Variants in BCL9L observed in about 807,000 individuals in gnomAD.
BCL9L encodes BCL9 like, also known as B-cell CLL/lymphoma 9-like protein.
Under a neutral mutation model 99.4 loss-of-function variants are expected in BCL9L, and 19 were observed. The ratio of observed to expected loss-of-function variants is 0.19; its 90% confidence interval spans 0.13 to 0.28. The LOEUF is 0.28. BCL9L is among the 10% of genes least tolerant of loss of function. BCL9L has a pLI of 1.00. For synonymous variants in BCL9L, 900 were observed against 854.8 expected (o/e 1.05, Z -0.92); for missense variants, 2,023 against 2,101.6 (o/e 0.96, Z 0.73).
chr11:118,908,583 G>A lies in BCL9L; in HGVS notation c.99C>T (p.Ala33=), dbSNP rs772286426. ...TTTCTGGGTGCATTGGCTTGGCTGG[G>A]GCAGGGGGGCAATGACCGCGGGGGG... is the stretch of plus-strand genomic sequence containing the variant. ...PLSPRGHCPP[A]PAKPMHPENK... is the part of the protein sequence containing the mutation. Residue 33 remains alanine (A), a synonymous_variant, in exon 4 of 10, where the codon GCC becomes GCT. Coordinates refer to ENST00000683865, the MANE Select transcript of BCL9L (RefSeq NM_001378213.1). The A allele has an allele frequency of 3.7e-6, 6 of 1,613,710 alleles. No homozygotes were observed. Among genetic ancestry groups the A allele is most frequent in the Non-Finnish European group, 3.4e-6 (4 of 1,179,980 alleles).
intron 1 of BCL9L, among the ~76,000 whole-genome samples, chr11:118,919,690 T>C (rs1364062299): frequency 1.3e-5 from 2 of 152,116 alleles, no homozygotes; most frequent in African/African-American, 4.8e-5. Flanking sequence ...CCAGCCTGTG[T>C]TCCTCCCAGA....
intron 1 of BCL9L, among the ~76,000 whole-genome samples, chr11:118,924,887 G>C (rs956358386): frequency 4.6e-5 from 7 of 152,222 alleles, no homozygotes; most frequent in Non-Finnish European, 8.8e-5. Context: ...AGACCCACGG[G>C]GTTGGTGAGC....
chr11:118,898,294 G>GGCCCCCCCCCCCCCCCCCCCC lies in BCL9L; in HGVS notation c.*120_*121insGGGGGGGGGGGGGGGGGGGGC. ...TCCACAAATGCCACTCCCTACACAAGCCCCCTCCCACCCCCTCCACCCCAC... is the reference window on the plus strand; with the variant it reads ...TCCACAAATGCCACTCCCTACACAAGGCCCCCCCCCCCCCCCCCCCCCCCCCTCCCACCCCCTCCACCCCAC... On this transcript the variant is annotated 3_prime_UTR_variant, in exon 10 of 10. Transcript: ENST00000683865. The GGCCCCCCCCCCCCCCCCCCCC allele has an allele frequency of 2.9e-5, 13 of 452,312 alleles. 1 individual carries two copies. Among genetic ancestry groups the GGCCCCCCCCCCCCCCCCCCCC allele is most frequent in the Non-Finnish European group, 4.5e-5 (11 of 244,762 alleles). 28.0% of individuals were successfully genotyped at this position (452,312 alleles called of 1,614,324 possible). A position where few individuals can be genotyped will look rare whatever the true frequency, so the allele number is the denominator to read the frequency against.
rs1020812999 is a variant in BCL9L, at chr11:118,925,252, G to C, written c.-145C>G. 6.6e-6 allele frequency: 1 copy of C among 152,568 alleles called. No homozygotes were observed. The highest frequency in any genetic ancestry group is 6.5e-5 in the Admixed American group (1 of 15,290). 9.5% of individuals were successfully genotyped at this position (152,568 alleles called of 1,614,324 possible). ...CCACCCCTCACCTCACGCGGATTGGGGGGTCCTCACGCCAGGCCGGAGCTG... is the reference window on the plus strand; with the variant it reads ...CCACCCCTCACCTCACGCGGATTGGCGGGTCCTCACGCCAGGCCGGAGCTG... On this transcript the variant is annotated 5_prime_UTR_variant, in exon 1 of 10. Coordinates refer to ENST00000683865, the MANE Select transcript of BCL9L (RefSeq NM_001378213.1). The surrounding 1 kb of genome is among the most constrained non-coding windows in gnomAD (Gnocchi z 6.4).
intron 3 of BCL9L, 49 bp downstream of exon 3, chr11:118,909,864 CT>C: frequency 6.2e-7 from 1 of 1,613,742 alleles, no homozygotes; most frequent in Non-Finnish European, 8.5e-7. Flanking sequence ...GGGCCCTTCC[CT>C]TCCCGCACTC....
Position 118,898,063 on chromosome 11 carries a change from A to C in BCL9L, c.*352T>G, listed in dbSNP as rs746765186. The C allele has an allele frequency of 1.1e-5, 5 of 445,474 alleles. No homozygotes were observed. Among genetic ancestry groups the C allele is most frequent in the South Asian group, 6.1e-5 (3 of 49,148 alleles). 27.6% of individuals were successfully genotyped at this position (445,474 alleles called of 1,614,324 possible). A position where few individuals can be genotyped will look rare whatever the true frequency, so the allele number is the denominator to read the frequency against. Reference sequence around the variant, plus strand: ...TGACCTGTCCTTCCTCTCTCCCCCCAGATTCCCATCCAGGACTCCAAAAGC... The same window carrying C: ...TGACCTGTCCTTCCTCTCTCCCCCCCGATTCCCATCCAGGACTCCAAAAGC... On this transcript the variant is annotated 3_prime_UTR_variant, in exon 10 of 10. Coordinates refer to ENST00000683865, the MANE Select transcript of BCL9L (RefSeq NM_001378213.1).
chr11:118,908,522 C>G lies in BCL9L; in HGVS notation c.160G>C (p.Gly54Arg). 1 of 1,614,130 alleles carries G rather than the reference C, an allele frequency of 6.2e-7. No individual in the cohort carries two copies. The highest frequency in any genetic ancestry group is 8.5e-7 in the Non-Finnish European group (1 of 1,180,014). ...ACATTCTGGTGCTGAGATTGGGCCC[C>G]GCCATTCCCTGTCTTGCCATGATTG... ...LTNHGKTGNG[G>R]AQSQHQNVNQ... The change falls in exon 4 of 10, where the codon GGG (glycine) becomes CGG (arginine). Residue 54 changes from glycine (G) to arginine (R), a missense_variant. By Grantham distance (125) the Gly-to-Arg change is moderately radical. Around this residue, in one of 3 missense-constraint regions of BCL9L, gnomAD observed 1,116 missense variants for 1,194.6 expected, o/e 0.93. Coordinates refer to ENST00000683865, the MANE Select transcript of BCL9L (RefSeq NM_001378213.1).
intron 5 of BCL9L, among the ~76,000 whole-genome samples, chr11:118,906,345 C>T (rs879256679): frequency 6.6e-6 from 1 of 152,158 alleles, no homozygotes; most frequent in African/African-American, 2.4e-5. Context: ...AGAGGCTTGG[C>T]GACCACCAGG....
rs1168778325 is a variant in BCL9L, at chr11:118,896,183, CA to C, written c.*2231del. Reference sequence around the variant, plus strand: ...ATAAAAAGGCACCTATAAAACAGGTCAATACAGTACAGGCAGCACAGAGACC... The same window carrying C: ...ATAAAAAGGCACCTATAAAACAGGTCATACAGTACAGGCAGCACAGAGACC... On this transcript the variant is annotated 3_prime_UTR_variant, in exon 10 of 10. Coordinates refer to ENST00000683865, the MANE Select transcript of BCL9L (RefSeq NM_001378213.1). 3 of 166,780 alleles carry C rather than the reference CA, an allele frequency of 1.8e-5. No individual in the cohort carries two copies. The highest frequency in any genetic ancestry group is 6.5e-5 in the Admixed American group (1 of 15,274). The allele number at this position is 166,780 out of a possible 1,614,324, so 10.3% of individuals were successfully genotyped here.
Position 118,902,219 on chromosome 11 carries a change from C to T in BCL9L, c.1524G>A (p.Leu508=), listed in dbSNP as rs774850958. Residue 508 remains leucine (L), a synonymous_variant, in exon 8 of 10, where the codon CTG becomes CTA. Coordinates refer to ENST00000683865, the MANE Select transcript of BCL9L (RefSeq NM_001378213.1). This position sits in a 1 kb window ranked among gnomAD's most constrained non-coding sequence, Gnocchi z 7.8. ...GCTCAGGCGTGAGGCTGTCCTGGCC[C>T]AGCCTCTGTATCATCATGTTCATCT... The part of the protein sequence containing the change: ...GQQMNMMIQR[L]GQDSLTPEQV... 4 of 1,613,656 alleles carry T rather than the reference C, an allele frequency of 2.5e-6. No homozygotes were observed. Among genetic ancestry groups the T allele is most frequent in the Non-Finnish European group, 3.4e-6 (4 of 1,179,722 alleles).
chr11:118,902,965 C>CTG lies in BCL9L; in HGVS notation c.834+23_834+24dup. ...TAAGGGGACGTTCCACCCAGTCCTG[C>CTG]TGCTCACAGAGGCGCCACGCTCACC... On this transcript the variant is annotated intron_variant, in intron 7 of 9. Transcript: ENST00000683865. This position sits in a 1 kb window ranked among gnomAD's most constrained non-coding sequence, Gnocchi z 7.8. 6.3e-7 allele frequency: 1 copy of CTG among 1,595,468 alleles called. No homozygotes were observed. The highest frequency in any genetic ancestry group is 8.5e-7 in the Non-Finnish European group (1 of 1,175,758).
Position 118,902,810 on chromosome 11 carries a change from G to T in BCL9L, c.933C>A (p.Pro311=), listed in dbSNP as rs766029932. 3.2e-6 allele frequency: 5 copies of T among 1,553,684 alleles called. No homozygotes were observed. The highest frequency in any genetic ancestry group is 1.8e-5 in the Admixed American group (1 of 54,910). The part of the protein sequence containing the change: ...SQPPPLPPPP[P]PAPGSAPPAL... Reference sequence around the variant, plus strand: ...CAGGCGGGGCACTGCCAGGGGCCGGGGGTGGCGGCGGCGGCAGTGGAGGTG... The same window carrying T: ...CAGGCGGGGCACTGCCAGGGGCCGGTGGTGGCGGCGGCGGCAGTGGAGGTG... Residue 311 remains proline (P), a synonymous_variant, in exon 8 of 10, where the codon CCC becomes CCA. Coordinates refer to ENST00000683865, the MANE Select transcript of BCL9L (RefSeq NM_001378213.1). The surrounding 1 kb of genome is among the most constrained non-coding windows in gnomAD (Gnocchi z 7.8).
chr11:118,899,956 G>C lies in BCL9L; in HGVS notation c.3367C>G (p.Leu1123Val), dbSNP rs1940136146. The C allele has an allele frequency of 6.2e-7, 1 of 1,613,784 alleles. No homozygotes were observed. The highest frequency in any genetic ancestry group is 8.5e-7 in the Non-Finnish European group (1 of 1,179,980). The change falls in exon 9 of 10, where the codon CTG becomes GTG. Residue 1123 changes from leucine to valine, a missense_variant. Leu to Val is a conservative substitution (Grantham distance 32). Coordinates refer to ENST00000683865, the MANE Select transcript of BCL9L (RefSeq NM_001378213.1). ...TGCGGTGGTGGTGGGGGGGGCAGCA[G>C]GGGCCGGTCGGGCAGCAGCTCGTCG... is the stretch of plus-strand genomic sequence containing the variant. ...SDDELLPDRP[L>V]LPPPPPPQGS...
intron 5 of BCL9L, among the ~76,000 whole-genome samples, chr11:118,904,154 CAG>C (rs1384770033): frequency 2.0e-5 from 3 of 152,152 alleles, no homozygotes; most frequent in Non-Finnish European, 4.4e-5. Context: ...ATTTGAAAAA[CAG>C]AGAGCCGGGA....
Position 118,902,077 on chromosome 11 carries a change from T to C in BCL9L, c.1666A>G (p.Met556Val), listed in dbSNP as rs1208735399. 6.2e-7 allele frequency: 1 copy of C among 1,613,736 alleles called. No homozygotes were observed. Among genetic ancestry groups the C allele is most frequent in the Admixed American group, 1.7e-5 (1 of 60,014 alleles). ...TAAGGAGGCGGGGGCCCCCTCACCATCATGCCCCCCATGCCCATCATGTCC... is the reference window on the plus strand; with the variant it reads ...TAAGGAGGCGGGGGCCCCCTCACCACCATGCCCCCCATGCCCATCATGTCC... ...LQDMMGMGGM[M>V]VRGPPPPYHS... The change falls in exon 8 of 10, where the codon ATG becomes GTG. Residue 556 changes from methionine to valine, a missense_variant. Physicochemically the swap from Met to Val is conservative, Grantham distance 21. Coordinates refer to ENST00000683865, the MANE Select transcript of BCL9L (RefSeq NM_001378213.1). This position sits in a 1 kb window ranked among gnomAD's most constrained non-coding sequence, Gnocchi z 7.8.
chr11:118,923,302 AG>A (rs1455069410), intron 1 of BCL9L, among the ~76,000 whole-genome samples: 6 of 152,188 alleles, frequency 3.9e-5, no homozygotes, highest in African/African-American at 1.4e-4. Flanking sequence ...GCCACCCCCT[AG>A]GCCCCTGCCC....
At position 118,898,109 on chromosome 11, in the gene BCL9L, G is replaced by A. The variant is rs953140870; in HGVS notation, c.*306C>T. ...AAAGCATAGCTGAAGGGGGTGTGGC[G>A]GGTGCAGGGATGCACGGAAAGAGGT... On this transcript the variant is annotated 3_prime_UTR_variant, in exon 10 of 10. Coordinates refer to ENST00000683865, the MANE Select transcript of BCL9L (RefSeq NM_001378213.1). 1.5e-5 allele frequency: 8 copies of A among 517,226 alleles called. No individual in the cohort carries two copies. Among genetic ancestry groups the A allele is most frequent in the South Asian group, 6.1e-5 (3 of 49,204 alleles). The allele number at this position is 517,226 out of a possible 1,614,324, so 32.0% of individuals were successfully genotyped here.
In BCL9L at chr11:118,898,294, GCCCCCTCCCA is replaced by G; in HGVS notation, c.*111_*120del. 1 of 452,308 alleles carries G rather than the reference GCCCCCTCCCA, an allele frequency of 2.2e-6. No homozygotes were observed. Among genetic ancestry groups the G allele is most frequent in the Non-Finnish European group, 4.1e-6 (1 of 244,758 alleles). 28.0% of individuals were successfully genotyped at this position (452,308 alleles called of 1,614,324 possible). On this transcript the variant is annotated 3_prime_UTR_variant, in exon 10 of 10. Coordinates refer to ENST00000683865, the MANE Select transcript of BCL9L (RefSeq NM_001378213.1). ...TCCACAAATGCCACTCCCTACACAAGCCCCCTCCCACCCCCTCCACCCCACCCCGCGACCC... is the reference window on the plus strand; with the variant it reads ...TCCACAAATGCCACTCCCTACACAAGCCCCCTCCACCCCACCCCGCGACCC...
At chr11:118,911,933 G>A (rs1330294313) in intron 2 of BCL9L, among the ~76,000 whole-genome samples, 1 of 152,264 alleles carries the variant, frequency 6.6e-6, no homozygotes, top group East Asian at 1.9e-4. Flanking sequence ...TTTGGGAAGG[G>A]GCTATTAGAA....
Sources: allele counts gnomAD v4.1 joint callset (sites outside exome capture counted in the v4.1 genomes callset), GRCh38; gene constraint gnomAD v4.1.1; regional missense constraint gnomAD v4.1.1; non-coding constraint Gnocchi (gnomAD v3.1); transcripts MANE v1.5; gene names NCBI Gene and HGNC (gene_info 2026-07-23, HGNC 2026-07-21).